The following PSENEN variants were observed in gnomAD, a reference collection of about 807,000 sequenced individuals.
The protein encoded by PSENEN is presenilin enhancer, gamma-secretase subunit.
In PSENEN, 4 loss-of-function variants were observed where a neutral mutation model predicts 15.4. The observed-to-expected ratio is 0.26, with a 90% confidence interval of 0.13 to 0.59. The LOEUF (loss-of-function observed/expected upper bound fraction) is 0.59. Ranked by LOEUF, PSENEN falls within the 20% of genes least tolerant of loss-of-function variation. The probability of loss-of-function intolerance (pLI) is 0.89; values close to 1 mark genes in which losing one functional copy is unlikely to be tolerated. For synonymous variants in PSENEN, 42 were observed against 46.5 expected (o/e 0.90, Z 0.39); for missense variants, 112 against 120.3 (o/e 0.93, Z 0.32).
chr19:35,746,931 T>C lies in PSENEN; in HGVS notation c.*84T>C. 7.1e-7 allele frequency: 1 copy of C among 1,418,118 alleles called. No homozygotes were observed. The highest frequency in any genetic ancestry group is 9.6e-7 in the Non-Finnish European group (1 of 1,044,988). The allele number at this position is 1,418,118 out of a possible 1,614,324, so 87.8% of individuals were successfully genotyped here. A position where few individuals can be genotyped will look rare whatever the true frequency, so the allele number is the denominator to read the frequency against. On this transcript the variant is annotated 3_prime_UTR_variant, in exon 4 of 4. Transcript: ENST00000587708. ...AGGAGCCTGTCCTGGGAGCCCCTTC[T>C]CAAACTCCTAAGACTTGTTTTCATG...
chr19:35,745,692 G>A lies in PSENEN; in HGVS notation c.-105G>A, dbSNP rs1970547022. ...AAGGCACCCCAGCCGGAGGAAGTGA[G>A]CTCTCCTGGTGAGTTGGGGGTCGTT... On this transcript the variant is annotated 5_prime_UTR_variant, in exon 1 of 4. Coordinates refer to ENST00000587708, the MANE Select transcript of PSENEN (RefSeq NM_172341.4). 1 of 619,072 alleles carries A rather than the reference G, an allele frequency of 1.6e-6. No homozygotes were observed. The highest frequency in any genetic ancestry group is 2.7e-5 in the East Asian group (1 of 36,650). 38.3% of individuals were successfully genotyped at this position (619,072 alleles called of 1,614,324 possible). A position where few individuals can be genotyped will look rare whatever the true frequency, so the allele number is the denominator to read the frequency against.
intron 1 of PSENEN, 38 bp downstream of exon 1, chr19:35,745,738 A>G (rs180872701): frequency 4.7e-5 from 32 of 680,366 alleles, no homozygotes; most frequent in African/African-American, 4.6e-4. Flanking sequence ...TAGTAAATAT[A>G]AAGAGCTCTT....
At chr19:35,746,036 CTAGAGCA>C in intron 2 of PSENEN, 45 bp downstream of exon 2, 1 of 1,594,116 alleles carries the variant, frequency 6.3e-7, no homozygotes, top group Non-Finnish European at 8.6e-7. Context: ...GGGGACTGGA[CTAGAGCA>C]CCCGAGGGAA....
At chr19:35,746,054 G>A in intron 2 of PSENEN, 63 bp downstream of exon 2, 3 of 1,520,936 alleles carry the variant, frequency 2.0e-6, no homozygotes, top group Non-Finnish European at 2.7e-6. Context: ...CCCGAGGGAA[G>A]AGGGCCTCGG....
chr19:35,746,046 C>G lies in PSENEN; in HGVS notation c.61+55C>G, dbSNP rs939714466. The G allele has an allele frequency of 1.9e-5, 30 of 1,576,096 alleles. No individual in the cohort carries two copies. The Middle Eastern group carries it at 6.7e-4, about 35-fold the overall frequency. The stretch of plus-strand genomic sequence containing the variant: ...AGAGAGGGGACTGGACTAGAGCACC[C>G]GAGGGAAGAGGGCCTCGGGGCCTGG... On this transcript the variant is annotated intron_variant, in intron 2 of 3. Transcript: ENST00000587708.
At chr19:35,746,063 G>C (rs1599732680) in intron 2 of PSENEN, 72 bp downstream of exon 2, 2 of 1,488,946 alleles carry the variant, frequency 1.3e-6, no homozygotes, top group Non-Finnish European at 1.9e-6. Context: ...AGAGGGCCTC[G>C]GGGCCTGGAT....
rs1970605199 is a variant in PSENEN, at chr19:35,747,221, T to TCC, written c.*374_*375insCC. The stretch of plus-strand genomic sequence containing the variant: ...GAATAGTGCTTCCATTTCTTTTTCT[T>TCC]TTTTCTTTTTTTTTTTTTTTTTTGA... On this transcript the variant is annotated 3_prime_UTR_variant, in exon 4 of 4. Coordinates refer to ENST00000587708, the MANE Select transcript of PSENEN (RefSeq NM_172341.4). The TCC allele has an allele frequency of 6.6e-6, 1 of 151,036 alleles. No individual in the cohort carries two copies. The highest frequency in any genetic ancestry group is 1.4e-5 in the Non-Finnish European group (1 of 72,890). 9.4% of individuals were successfully genotyped at this position (151,036 alleles called of 1,614,324 possible).
intron 2 of PSENEN, 136 bp from the exon 3 acceptor site, chr19:35,746,283 C>T (rs1486503221): frequency 3.7e-6 from 3 of 811,914 alleles, no homozygotes; most frequent in East Asian, 5.2e-5. Context: ...ATTCCTGAGT[C>T]CCTGACAACA....
In PSENEN at chr19:35,746,975, C is replaced by A; in HGVS notation, c.*128C>A. ...TTTCATGTCCCACGTTCTCTGCTGA[C>A]ATCCCCCAATAAAGGACCCTAACTT... On this transcript the variant is annotated 3_prime_UTR_variant, in exon 4 of 4. Transcript: ENST00000587708. 1.0e-6 allele frequency: 1 copy of A among 955,762 alleles called. No individual in the cohort carries two copies. The highest frequency in any genetic ancestry group is 1.5e-6 in the Non-Finnish European group (1 of 654,896). 59.2% of individuals were successfully genotyped at this position (955,762 alleles called of 1,614,324 possible).
In PSENEN at chr19:35,746,797, G is replaced by T. The variant is rs775266605; in HGVS notation, c.256G>T (p.Gly86Cys). The T allele has an allele frequency of 2.0e-5, 33 of 1,613,832 alleles. No homozygotes were observed. Among genetic ancestry groups the T allele is most frequent in the Non-Finnish European group, 1.7e-6 (2 of 1,179,966 alleles). ...TIFQIYRPRW[G>C]ALGDYLSFTI... is the part of the protein sequence containing the mutation. ...CTTCCAGATCTACCGGCCCCGCTGG[G>T]GTGCCCTTGGGGACTACCTCTCCTT... The change falls in exon 4 of 4, where the codon GGT becomes TGT. Residue 86 changes from glycine (G) to cysteine (C), a missense_variant. Coordinates refer to ENST00000587708, the MANE Select transcript of PSENEN (RefSeq NM_172341.4).
At position 35,745,902 on chromosome 19, in the gene PSENEN, C is replaced by T. The variant is rs201094657; in HGVS notation, c.-29C>T. The T allele has an allele frequency of 1.1e-4, 183 of 1,613,350 alleles. 2 individuals are homozygous for T. The East Asian group carries it at 3.3e-3, about 29-fold the overall frequency. ...AAGGCTTGGGTCTTGCCCCGCAGAC[C>T]CTTGGGACGACCCGGCCCCAGCGCA... On this transcript the variant is annotated 5_prime_UTR_variant, in exon 2 of 4. Coordinates refer to ENST00000587708, the MANE Select transcript of PSENEN (RefSeq NM_172341.4).
Position 35,746,697 on chromosome 19 carries a change from T to C in PSENEN, c.167-11T>C, listed in dbSNP as rs200199097. The C allele has an allele frequency of 1.4e-5, 22 of 1,614,114 alleles. No individual in the cohort carries two copies. Among genetic ancestry groups the C allele is most frequent in the Non-Finnish European group, 1.9e-5 (22 of 1,180,020 alleles). ...GAGGCCAACCCTTCCAGCTTCTGTT[T>C]CCCATGACAGATGTCTGGCGCTCAG... On this transcript the variant is annotated splice_polypyrimidine_tract_variant and intron_variant, in intron 3 of 3. Transcript: ENST00000587708.
chr19:35,746,042 C>T, intron 2 of PSENEN, 51 bp downstream of exon 2: 1 of 1,583,266 alleles, frequency 6.3e-7, no homozygotes, highest in Non-Finnish European at 8.7e-7. Context: ...TGGACTAGAG[C>T]ACCCGAGGGA....
chr19:35,745,885 G>C lies in PSENEN; in HGVS notation c.-46G>C, dbSNP rs1970552041. The C allele has an allele frequency of 6.3e-7, 1 of 1,589,002 alleles. No individual in the cohort carries two copies. Among genetic ancestry groups the C allele is most frequent in the Admixed American group, 1.7e-5 (1 of 59,972 alleles). ...ATCTGTTACTTAGGGTCAAGGCTTG[G>C]GTCTTGCCCCGCAGACCCTTGGGAC... On this transcript the variant is annotated 5_prime_UTR_variant, in exon 2 of 4. Coordinates refer to ENST00000587708, the MANE Select transcript of PSENEN (RefSeq NM_172341.4).
chr19:35,746,570 G>T (rs202161398), intron 3 of PSENEN, 47 bp downstream of exon 3: 3 of 1,600,178 alleles, frequency 1.9e-6, no homozygotes, highest in Non-Finnish European at 2.6e-6. Context: ...GGGGAGAGGG[G>T]GAAGCGGGGA....
In PSENEN at chr19:35,746,832, C is replaced by T. The variant is rs1970590528; in HGVS notation, c.291C>T (p.Pro97=). The T allele has an allele frequency of 6.2e-7, 1 of 1,613,804 alleles. No individual in the cohort carries two copies. Among genetic ancestry groups the T allele is most frequent in the Non-Finnish European group, 8.5e-7 (1 of 1,179,962 alleles). Reference sequence around the variant, plus strand: ...GGGACTACCTCTCCTTCACCATACCCCTGGGCACCCCCTGACAACTTCTGC... The same window carrying T: ...GGGACTACCTCTCCTTCACCATACCTCTGGGCACCCCCTGACAACTTCTGC... ...ALGDYLSFTI[P]LGTP Residue 97 remains proline, a synonymous_variant, in exon 4 of 4, where the codon CCC becomes CCT. Coordinates refer to ENST00000587708, the MANE Select transcript of PSENEN (RefSeq NM_172341.4).
At chr19:35,746,024 G>C in intron 2 of PSENEN, 33 bp downstream of exon 2, 1 of 1,609,166 alleles carries the variant, frequency 6.2e-7, no homozygotes. Context: ...CAGGAGAAGA[G>C]AGGGGACTGG....
chr19:35,747,201 G>T lies in PSENEN; in HGVS notation c.*354G>T. 5.8e-6 allele frequency: 1 copy of T among 171,926 alleles called. No individual in the cohort carries two copies. The highest frequency in any genetic ancestry group is 1.6e-4 in the South Asian group (1 of 6,292). The allele number at this position is 171,926 out of a possible 1,614,324, so 10.7% of individuals were successfully genotyped here. ...TAGATGAGAAACTAAGAAAGGAATA[G>T]TGCTTCCATTTCTTTTTCTTTTTTC... is the stretch of plus-strand genomic sequence containing the variant. On this transcript the variant is annotated 3_prime_UTR_variant, in exon 4 of 4. Transcript: ENST00000587708.
At position 35,747,499 on chromosome 19, in the gene PSENEN, G is replaced by A. The variant is rs998085832; in HGVS notation, c.*652G>A. 1.3e-5 allele frequency: 2 copies of A among 152,014 alleles called. No individual in the cohort carries two copies. Among genetic ancestry groups the A allele is most frequent in the Non-Finnish European group, 1.5e-5 (1 of 68,006 alleles). The allele number at this position is 152,014 out of a possible 1,614,324, so 9.4% of individuals were successfully genotyped here. A position where few individuals can be genotyped will look rare whatever the true frequency, so the allele number is the denominator to read the frequency against. ...AGTGTTGTCTGCAAAAATAAAAATAGTCAAGAGCTTTCTCAGAGAATCCTT... is the reference window on the plus strand; with the variant it reads ...AGTGTTGTCTGCAAAAATAAAAATAATCAAGAGCTTTCTCAGAGAATCCTT... On this transcript the variant is annotated 3_prime_UTR_variant, in exon 4 of 4. Coordinates refer to ENST00000587708, the MANE Select transcript of PSENEN (RefSeq NM_172341.4).
Sources: allele counts gnomAD v4.1 joint callset, GRCh38; gene constraint gnomAD v4.1.1; transcripts MANE v1.5; gene names NCBI Gene and HGNC (gene_info 2026-07-23, HGNC 2026-07-21).